The following BCKDHB variants were observed in gnomAD, a reference collection of about 807,000 sequenced individuals.
The protein encoded by BCKDHB is 2-oxoisovalerate dehydrogenase subunit beta, mitochondrial.
A neutral mutation model predicts 48.5 loss-of-function variants in BCKDHB; 41 were observed. The observed-to-expected ratio is 0.85, with a 90% CI of 0.66 to 1.10. The LOEUF (loss-of-function observed/expected upper bound fraction) is 1.10. BCKDHB is among the 50% of genes least tolerant of loss of function. The probability of loss-of-function intolerance (pLI) is 0.00; values close to 1 mark genes in which losing one functional copy is unlikely to be tolerated. For missense variants in BCKDHB, 496 were observed against 494.2 expected (o/e 1.00, Z -0.03); for synonymous variants, 201 against 174.8 (o/e 1.15, Z -1.18).
the BCKDHB span, among the ~76,000 whole-genome samples, chr6:80,413,982 T>G: frequency 8.5e-5 from 13 of 152,322 alleles, no homozygotes; most frequent in African/African-American, 2.6e-4. Context: ...GATTTTTTAA[T>G]AACAGCCATT....
intron 9 of BCKDHB, among the ~76,000 whole-genome samples, chr6:80,318,072 A>G (rs923739005): frequency 7.2e-5 from 11 of 152,096 alleles, no homozygotes; most frequent in South Asian, 2.1e-4. Flanking sequence ...AACCCCAACA[A>G]TTGTGGGTGT....
At chr6:80,461,698 T>A in the BCKDHB span, among the ~76,000 whole-genome samples, 1 of 152,224 alleles carries the variant, frequency 6.6e-6, no homozygotes, top group East Asian at 1.9e-4. Flanking sequence ...ATTAAAATAC[T>A]TGAAATTGTT....
the BCKDHB span, among the ~76,000 whole-genome samples, chr6:80,430,442 C>T: frequency 6.6e-6 from 1 of 152,112 alleles, no homozygotes; most frequent in Non-Finnish European, 1.5e-5. Context: ...GGAATGGTAC[C>T]AACTCCTCTT....
chr6:80,169,824 G>C (rs369735749), intron 5 of BCKDHB: 7 of 1,608,508 alleles, frequency 4.4e-6, no homozygotes, highest in Non-Finnish European at 5.9e-6. Flanking sequence ...AAAGTTATAA[G>C]CTTATCTTAG....
At chr6:80,418,965 C>T in the BCKDHB span, among the ~76,000 whole-genome samples, 1 of 152,164 alleles carries the variant, frequency 6.6e-6, no homozygotes, top group Non-Finnish European at 1.5e-5. Flanking sequence ...GGTCCGAGTG[C>T]CTTCTCTGTG....
intron 8 of BCKDHB, among the ~76,000 whole-genome samples, chr6:80,260,707 T>C (rs1777263792): frequency 6.6e-6 from 1 of 152,214 alleles, no homozygotes; most frequent in South Asian, 2.1e-4. Context: ...CAAATTTCTT[T>C]TGAACCACTG....
intron 9 of BCKDHB, among the ~76,000 whole-genome samples, chr6:80,286,206 A>G (rs1343625755): frequency 6.6e-6 from 1 of 152,200 alleles, no homozygotes; most frequent in African/African-American, 2.4e-5. Context: ...AGATTCTTCA[A>G]ATATAAACTA....
At chr6:80,120,283 C>T (rs1401470259) in intron 1 of BCKDHB, among the ~76,000 whole-genome samples, 1 of 151,320 alleles carries the variant, frequency 6.6e-6, no homozygotes, top group Non-Finnish European at 1.5e-5. Flanking sequence ...TGGGTTGGTT[C>T]CAAGTCTTTG....
the BCKDHB span, among the ~76,000 whole-genome samples, chr6:80,372,382 T>C: frequency 6.6e-6 from 1 of 152,146 alleles, no homozygotes; most frequent in South Asian, 2.1e-4. Context: ...TATATGATCA[T>C]ATCAGCAGCA....
At chr6:80,348,935 A>G (rs529910514), downstream of BCKDHB, among the ~76,000 whole-genome samples, 5 of 152,350 alleles carry the variant, frequency 3.3e-5, no homozygotes, top group South Asian at 1.0e-3. Context: ...AAAAGTTGGA[A>G]ATAAAACAGT....
intron 8 of BCKDHB, among the ~76,000 whole-genome samples, chr6:80,223,317 A>G (rs1246569245): frequency 1.3e-5 from 2 of 152,184 alleles, no homozygotes; most frequent in Admixed American, 1.3e-4. Context: ...AGTGCTAGAT[A>G]AATGAGTTCT....
intron 9 of BCKDHB, among the ~76,000 whole-genome samples, chr6:80,340,541 C>T (rs979105062): frequency 1.3e-5 from 2 of 152,184 alleles, no homozygotes; most frequent in Non-Finnish European, 2.9e-5. Context: ...TCTCAACAGC[C>T]CTGTAGGCTA....
At chr6:80,387,822 A>G in the BCKDHB span, among the ~76,000 whole-genome samples, 10 of 152,358 alleles carry the variant, frequency 6.6e-5, no homozygotes, top group Admixed American at 5.2e-4. Flanking sequence ...CTTCTGCAAG[A>G]TATCACACTG....
the BCKDHB span, among the ~76,000 whole-genome samples, chr6:80,389,882 T>C: frequency 6.6e-6 from 1 of 152,106 alleles, no homozygotes; most frequent in African/African-American, 2.4e-5. Flanking sequence ...GAGGTGGAAG[T>C]AGCACCACTC....
rs1401164505 is a variant in BCKDHB at position 80,219,105 on chromosome 6, TTTTTAG to T, written c.951+15899_951+15904del. On this transcript the variant is annotated intron_variant, in intron 8 of 9. Coordinates refer to ENST00000320393, the MANE Select transcript of BCKDHB (RefSeq NM_183050.4). ...GGCATTCTTTTAGATCCTTTTGGAT[TTTTTAG>T]TTTTAATTACCTTTCATTTTCTCTT... Among the ~76,000 whole-genome samples the T allele has an allele frequency of 7.2e-5, 11 of 152,364 alleles. 1 individual carries two copies. The highest frequency in any genetic ancestry group is 2.6e-4 in the African/African-American group (11 of 41,584).
chr6:80,294,608 A>C (rs552271516), intron 9 of BCKDHB, among the ~76,000 whole-genome samples: 89 of 152,204 alleles, frequency 5.8e-4, no homozygotes, highest in Non-Finnish European at 1.6e-4. Context: ...TTCCTGGGGG[A>C]GGTCTATAAA....
intron 9 of BCKDHB, among the ~76,000 whole-genome samples, chr6:80,305,142 G>C (rs1006986096): frequency 6.6e-6 from 1 of 151,998 alleles, no homozygotes; most frequent in Non-Finnish European, 1.5e-5. Flanking sequence ...AGAATTAATT[G>C]GAGTTTAACA....
chr6:80,270,299 G>C, intron 8 of BCKDHB, among the ~76,000 whole-genome samples: 1 of 151,932 alleles, frequency 6.6e-6, no homozygotes, highest in East Asian at 1.9e-4. Context: ...AATACTTTTA[G>C]ACATTGGCAA....
intron 9 of BCKDHB, among the ~76,000 whole-genome samples, chr6:80,332,476 A>G (rs1167573134): frequency 1.3e-5 from 2 of 152,148 alleles, no homozygotes; most frequent in Non-Finnish European, 2.9e-5. Flanking sequence ...AATAGCTGTA[A>G]AATACTGAGA....
Sources: gnomAD v4.1 joint callset for allele counts (sites outside exome capture counted in the v4.1 genomes callset) on GRCh38, gnomAD v4.1.1 for gene constraint, MANE v1.5 for transcripts, NCBI Gene and HGNC (gene_info 2026-07-23, HGNC 2026-07-21) for gene names.